WWOX: variants seen among roughly 807,000 people sequenced by gnomAD.
WWOX encodes WW domain-containing oxidoreductase.
Under a neutral mutation model 46.2 loss-of-function variants are expected in WWOX, and 69 were observed. The observed-to-expected ratio is 1.49, with a 90% CI of 1.23 to 1.82. The LOEUF (loss-of-function observed/expected upper bound fraction) is 1.82. Ranked by LOEUF, WWOX falls within the 40% of genes most tolerant of loss-of-function variation. The pLI is 0.00. For synonymous variants in WWOX, 359 were observed against 202.6 expected (o/e 1.77, Z -6.56); for missense variants, 919 against 542.6 (o/e 1.69, Z -6.89).
chr16:78,453,490 G>A (rs56227916), intron 8 of WWOX, among the ~76,000 whole-genome samples: 18,139 of 151,986 alleles, frequency 0.12, 1,690 homozygotes, highest in African/African-American at 0.25. Flanking sequence ...TGAGCTAGCG[G>A]TAGAAATGCG....
At chr16:79,024,833 G>C (rs1237439120) in intron 8 of WWOX, among the ~76,000 whole-genome samples, 1 of 152,198 alleles carries the variant, frequency 6.6e-6, no homozygotes, top group Non-Finnish European at 1.5e-5. Flanking sequence ...GCCTCAGAAA[G>C]TGCTGGGATT....
intron 5 of WWOX, among the ~76,000 whole-genome samples, chr16:78,262,539 T>C (rs2079268695): frequency 6.6e-6 from 1 of 152,168 alleles, no homozygotes; most frequent in Non-Finnish European, 1.5e-5. Flanking sequence ...TCAGTTGACT[T>C]CCTGTGGACA....
chr16:78,170,057 C>T (rs756060514), intron 5 of WWOX, among the ~76,000 whole-genome samples: 1 of 152,062 alleles, frequency 6.6e-6, no homozygotes, highest in African/African-American at 2.4e-5. Context: ...TTTGACTCAC[C>T]CCTGACTTCC....
chr16:78,888,697 C>T (rs1043695692), intron 8 of WWOX, among the ~76,000 whole-genome samples: 1 of 152,160 alleles, frequency 6.6e-6, no homozygotes, highest in Non-Finnish European at 1.5e-5. Context: ...GATGTAGAAT[C>T]CCTTTGCTCA....
chr16:78,802,452 T>C (rs1034179711), intron 8 of WWOX, among the ~76,000 whole-genome samples: 2 of 152,098 alleles, frequency 1.3e-5, no homozygotes, highest in Middle Eastern at 3.2e-3. Flanking sequence ...TGGAAGGCTT[T>C]GGAAATCCAC....
intron 5 of WWOX, among the ~76,000 whole-genome samples, chr16:78,331,610 T>A (rs2080760988): frequency 6.6e-6 from 1 of 152,048 alleles, no homozygotes; most frequent in East Asian, 1.9e-4. Flanking sequence ...TTGTGTAAAA[T>A]CAGAGTAATC....
intron 8 of WWOX, among the ~76,000 whole-genome samples, chr16:78,621,592 CTTTTTTTTTTTTT>C (rs34182797): frequency 7.0e-4 from 22 of 31,514 alleles, no homozygotes; most frequent in South Asian, 3.5e-3. Context: ...TTGTTCTAAT[CTTTTTTTTTTTTT>C]TTTTTTTTTT....
At position 78,948,170 on chromosome 16, in the gene WWOX, C is replaced by T. The variant is rs1008580128; in HGVS notation, c.1057-263438C>T. On this transcript the variant is annotated intron_variant, in intron 8 of 8. Transcript: ENST00000566780. The stretch of plus-strand genomic sequence containing the variant: ...AGAATGAGACAGGTAACACCTGCCT[C>T]CGTGGTTTGTCAGGACATTTAGAAA... Among the ~76,000 whole-genome samples, 4 of 152,312 alleles carry T rather than the reference C, an allele frequency of 2.6e-5. 1 individual carries two copies. Among genetic ancestry groups the T allele is most frequent in the African/African-American group, 9.6e-5 (4 of 41,582 alleles).
At chr16:79,009,231 G>C (rs897951197) in intron 8 of WWOX, among the ~76,000 whole-genome samples, 1 of 152,208 alleles carries the variant, frequency 6.6e-6, no homozygotes, top group African/African-American at 2.4e-5. Flanking sequence ...GTTCACTTGA[G>C]TGTTACAAAC....
intron 5 of WWOX, among the ~76,000 whole-genome samples, chr16:78,334,962 T>G (rs1480716908): frequency 6.7e-6 from 1 of 149,724 alleles, no homozygotes. Flanking sequence ...GAGATGGGCG[T>G]TTATTATGAG....
At chr16:78,419,224 G>A (rs1236798613) in intron 6 of WWOX, among the ~76,000 whole-genome samples, 2 of 152,090 alleles carry the variant, frequency 1.3e-5, no homozygotes, top group Admixed American at 6.5e-5. Flanking sequence ...TGCAAATTGT[G>A]TACAAATTTA....
chr16:79,123,567 T>C (rs776388955), intron 8 of WWOX, among the ~76,000 whole-genome samples: 1 of 152,118 alleles, frequency 6.6e-6, no homozygotes, highest in Admixed American at 6.5e-5. Flanking sequence ...ATTAAGGACG[T>C]TGAGACCCAG....
At chr16:79,034,199 A>G (rs2047821455) in intron 8 of WWOX, among the ~76,000 whole-genome samples, 2 of 152,220 alleles carry the variant, frequency 1.3e-5, no homozygotes, top group Admixed American at 1.3e-4. Flanking sequence ...CTGAAGGGAT[A>G]TTTTAAGCAT....
At chr16:78,870,709 C>G (rs2044108753) in intron 8 of WWOX, among the ~76,000 whole-genome samples, 1 of 152,156 alleles carries the variant, frequency 6.6e-6, no homozygotes, top group South Asian at 2.1e-4. Flanking sequence ...TCAAGCAATT[C>G]TCCTGCCTCA....
chr16:78,758,364 A>T (rs1320220356), intron 8 of WWOX, among the ~76,000 whole-genome samples: 1 of 152,200 alleles, frequency 6.6e-6, no homozygotes, highest in Non-Finnish European at 1.5e-5. Context: ...TTTTGCAAGT[A>T]GATTAATTGG....
At chr16:78,866,432 C>T (rs377435010) in intron 8 of WWOX, among the ~76,000 whole-genome samples, 32 of 134,568 alleles carry the variant, frequency 2.4e-4, no homozygotes, top group Middle Eastern at 4.2e-3. Flanking sequence ...CAAGACATCC[C>T]GTGCTATTTT....
At chr16:78,928,916 A>G (rs1207337438) in intron 8 of WWOX, among the ~76,000 whole-genome samples, 7 of 152,214 alleles carry the variant, frequency 4.6e-5, no homozygotes, top group Admixed American at 4.6e-4. Flanking sequence ...CCTAACAATA[A>G]CAACAACCAG....
Position 78,311,939 on chromosome 16 carries a change from G to A in WWOX, c.517-74921G>A, listed in dbSNP as rs545554120. On this transcript the variant is annotated intron_variant, in intron 5 of 8. Coordinates refer to ENST00000566780, the MANE Select transcript of WWOX (RefSeq NM_016373.4). Reference sequence around the variant, plus strand: ...AAAATCCAGGTGTCTTCAGAGCTGTGTTCTTTTGGATACTGTAGAGGAGAA... The same window carrying A: ...AAAATCCAGGTGTCTTCAGAGCTGTATTCTTTTGGATACTGTAGAGGAGAA... 4.6e-4 allele frequency among the ~76,000 whole-genome samples: 70 copies of A among 152,262 alleles called. 1 individual carries two copies. The highest frequency in any genetic ancestry group is 1.7e-3 in the South Asian group (8 of 4,800).
intron 5 of WWOX, among the ~76,000 whole-genome samples, chr16:78,240,904 G>A (rs958264398): frequency 1.3e-5 from 2 of 152,032 alleles, no homozygotes; most frequent in Non-Finnish European, 2.9e-5. Context: ...GGGCTGAGAG[G>A]GAGAGACTCC....
Sources: allele counts gnomAD v4.1 joint callset (sites outside exome capture counted in the v4.1 genomes callset), GRCh38; gene constraint gnomAD v4.1.1; transcripts MANE v1.5; gene names NCBI Gene and HGNC (gene_info 2026-07-23, HGNC 2026-07-21).